DLAT: variants seen among roughly 807,000 people sequenced by gnomAD.
DLAT encodes the protein dihydrolipoyllysine-residue acetyltransferase component of pyruvate dehydrogenase complex, mitochondrial.
DLAT carries 43 observed loss-of-function variants against 68.0 expected under a neutral mutation model. The ratio of observed to expected loss-of-function variants is 0.63; its 90% CI spans 0.50 to 0.81. The LOEUF is 0.81. DLAT is among the 40% of genes least tolerant of loss of function. DLAT has a pLI of 0.00. For synonymous variants in DLAT, 265 were observed against 288.6 expected (o/e 0.92, Z 0.83); for missense variants, 745 against 815.4 (o/e 0.91, Z 1.05).
chr11:112,034,171 A>G (rs1359469556), intron 5 of DLAT, among the ~76,000 whole-genome samples: 1 of 152,216 alleles, frequency 6.6e-6, no homozygotes, highest in Non-Finnish European at 1.5e-5. Context: ...CTGAGAAGCT[A>G]TATCAGAATT....
chr11:112,034,583 C>T (rs1428573035), intron 5 of DLAT, among the ~76,000 whole-genome samples: 3 of 151,662 alleles, frequency 2.0e-5, no homozygotes, highest in East Asian at 3.9e-4. Flanking sequence ...GCTGGGACTA[C>T]AGGTGCCCGC....
intron 2 of DLAT, among the ~76,000 whole-genome samples, chr11:112,027,764 G>A (rs1368830027): frequency 1.3e-5 from 2 of 152,174 alleles, no homozygotes; most frequent in Non-Finnish European, 2.9e-5. Context: ...GTCAGGCGTG[G>A]CGGCGCGTGC....
chr11:112,064,198 T>A lies in DLAT; in HGVS notation c.*1663T>A. 6.4e-7 allele frequency: 1 copy of A among 1,571,906 alleles called. No homozygotes were observed. The highest frequency in any genetic ancestry group is 8.6e-7 in the Non-Finnish European group (1 of 1,159,066). On this transcript the variant is annotated 3_prime_UTR_variant, in exon 14 of 14. Coordinates refer to ENST00000280346, the MANE Select transcript of DLAT (RefSeq NM_001931.5). ...ACTTCAAAGATAATTCATCTTTCGC[T>A]AATGCTTGTGGTTCTGTTGTTCCCT...
At position 112,051,378 on chromosome 11, in the gene DLAT, CA is replaced by C; in HGVS notation, c.1514+30del. The stretch of plus-strand genomic sequence containing the variant: ...AGTATAACTGGGGAAGATATATATC[CA>C]TCGGTAGTTTTCTTGTATTATTTAA... On this transcript the variant is annotated intron_variant, in intron 11 of 13. Coordinates refer to ENST00000280346, the MANE Select transcript of DLAT (RefSeq NM_001931.5). This position sits in a 1 kb window ranked among gnomAD's most constrained non-coding sequence, Gnocchi z 4.3. 6.8e-7 allele frequency: 1 copy of C among 1,470,948 alleles called. No homozygotes were observed. The highest frequency in any genetic ancestry group is 1.4e-5 in the African/African-American group (1 of 72,182). 91.1% of individuals were successfully genotyped at this position (1,470,948 alleles called of 1,614,324 possible).
In DLAT at chr11:112,033,398, C is replaced by T. The variant is rs1036925432; in HGVS notation, c.661-6C>T. 4 of 1,613,104 alleles carry T rather than the reference C, an allele frequency of 2.5e-6. No homozygotes were observed. The highest frequency in any genetic ancestry group is 3.4e-6 in the Non-Finnish European group (4 of 1,179,450). ...ATTAAGCAATAATATGTGTTTGTTT[C>T]TGCAGGTACTTCTTCCTGCCCTCTC... is the stretch of plus-strand genomic sequence containing the variant. On this transcript the variant is annotated splice_polypyrimidine_tract_variant and splice_region_variant and intron_variant, in intron 4 of 13. Transcript: ENST00000280346.
chr11:112,026,856 G>A (rs1227684126), intron 2 of DLAT, among the ~76,000 whole-genome samples: 4 of 152,048 alleles, frequency 2.6e-5, no homozygotes, highest in Non-Finnish European at 4.4e-5. Context: ...GGTGGTGGCC[G>A]GGCAGAGGGG....
At chr11:112,041,511 A>G (rs1009864132) in intron 7 of DLAT, among the ~76,000 whole-genome samples, 2 of 152,204 alleles carry the variant, frequency 1.3e-5, no homozygotes, top group Non-Finnish European at 2.9e-5. Context: ...GAACTGGGGA[A>G]AGATCATTTT....
chr11:112,027,793 A>G (rs1862149712), intron 2 of DLAT, among the ~76,000 whole-genome samples: 1 of 152,020 alleles, frequency 6.6e-6, no homozygotes, highest in African/African-American at 2.4e-5. Context: ...GCAGGCACTC[A>G]GCAGGCTGAG....
rs1201600211 is a variant in DLAT, at chr11:112,028,569, G to T, written c.436G>T (p.Ala146Ser). 1.9e-6 allele frequency: 3 copies of T among 1,614,022 alleles called. No homozygotes were observed. The highest frequency in any genetic ancestry group is 1.6e-4 in the Middle Eastern group (1 of 6,084). Residue 146 changes from alanine to serine, a missense_variant, in exon 3 of 14, where the codon GCA (alanine) becomes TCA (serine). Transcript: ENST00000280346. Reference protein sequence around the residue: ...GFESLEECYMAKILVAEGTRD... With the variant: ...GFESLEECYMSKILVAEGTRD... ...TGAGAGCCTGGAGGAGTGTTATATG[G>T]CAAAGATACTTGTTGCTGAAGGTAC...
At chr11:112,029,119 C>G (rs1555179733) in intron 4 of DLAT, among the ~76,000 whole-genome samples, 174 bp downstream of exon 4, 1 of 152,148 alleles carries the variant, frequency 6.6e-6, no homozygotes, top group Non-Finnish European at 1.5e-5. Context: ...TTGTTATTTC[C>G]AGTTATAAGA....
chr11:112,034,006 G>A (rs1862558337), intron 5 of DLAT, among the ~76,000 whole-genome samples: 2 of 152,194 alleles, frequency 1.3e-5, no homozygotes, highest in South Asian at 4.1e-4. Context: ...CTCCAAGCGT[G>A]AGCCCCTGTT....
In DLAT at chr11:112,037,274, T is replaced by C. The variant is rs587661574; in HGVS notation, c.789T>C (p.Gly263=). The change falls in exon 6 of 14, where the codon GGT becomes GGC. Residue 263 remains glycine, a splice_region_variant and synonymous_variant. Transcript: ENST00000280346. ...AEIETDKATI[G]FEVQEEGYLA... ...TAATGTTTTTTCTTTCTATTTAAGG[T>C]TTTGAAGTACAGGAAGAAGGTTATC... is the stretch of plus-strand genomic sequence containing the variant. 1.2e-6 allele frequency: 2 copies of C among 1,613,920 alleles called. No individual in the cohort carries two copies. Among genetic ancestry groups the C allele is most frequent in the Admixed American group, 3.3e-5 (2 of 60,012 alleles).
At chr11:112,039,534 A>G (rs1862947256) in intron 7 of DLAT, 137 bp downstream of exon 7, 1 of 932,528 alleles carries the variant, frequency 1.1e-6, no homozygotes, top group Non-Finnish European at 1.7e-6. Context: ...ATTCCTTCAG[A>G]AGGGAGAAAT....
In DLAT at chr11:112,061,067, A is replaced by G; in HGVS notation, c.1707A>G (p.Gly569=). Residue 569 remains glycine, a synonymous_variant, in exon 13 of 14, where the codon GGA becomes GGG. Coordinates refer to ENST00000280346, the MANE Select transcript of DLAT (RefSeq NM_001931.5). Reference sequence around the variant, plus strand: ...GCACTTTTACGATCTCCAATTTAGGAATGTTTGGAATTAAGAATTTCTCTG... The same window carrying G: ...GCACTTTTACGATCTCCAATTTAGGGATGTTTGGAATTAAGAATTTCTCTG... The part of the protein sequence containing the change: ...QGGTFTISNL[G]MFGIKNFSAI... The G allele has an allele frequency of 6.2e-7, 1 of 1,610,278 alleles. No homozygotes were observed. The highest frequency in any genetic ancestry group is 8.5e-7 in the Non-Finnish European group (1 of 1,177,860).
rs782588739 is a variant in DLAT, at chr11:112,051,215, G to A, written c.1399-19G>A. On this transcript the variant is annotated intron_variant, in intron 10 of 13. Coordinates refer to ENST00000280346, the MANE Select transcript of DLAT (RefSeq NM_001931.5). This position sits in a 1 kb window ranked among gnomAD's most constrained non-coding sequence, Gnocchi z 4.3. ...TAAAATTAAAAAAGAAGAAACTACA[G>A]TTCTTCTTGTCTTTCCAGATATTAG... 8 of 1,484,404 alleles carry A rather than the reference G, an allele frequency of 5.4e-6. No individual in the cohort carries two copies. The East Asian group carries it at 1.8e-4, about 34-fold the overall frequency. The allele number at this position is 1,484,404 out of a possible 1,614,324, so 92.0% of individuals were successfully genotyped here.
In DLAT at chr11:112,062,441, G is replaced by T. The variant is rs1555183363; in HGVS notation, c.1850G>T (p.Ser617Ile). 6.2e-7 allele frequency: 1 copy of T among 1,612,602 alleles called. No individual in the cohort carries two copies. The change falls in exon 14 of 14, where the codon AGT (serine) becomes ATT (isoleucine). Residue 617 changes from serine (S) to isoleucine (I), a missense_variant. Transcript: ENST00000280346. ...GCTAGCATGATGTCTGTTACACTCA[G>T]TTGTGATCACCGGGTGGTGGATGGA... ...DVASMMSVTLSCDHRVVDGAV... is the reference protein window; with the variant it reads ...DVASMMSVTLICDHRVVDGAV...
At chr11:112,044,959 C>T (rs1171827677) in intron 8 of DLAT, among the ~76,000 whole-genome samples, 179 bp from the exon 9 acceptor site, 2 of 151,564 alleles carry the variant, frequency 1.3e-5, no homozygotes, top group East Asian at 3.9e-4. Flanking sequence ...TGCTTGAGCC[C>T]AGGAGGTTGA....
At chr11:112,029,846 C>T (rs587669384) in intron 4 of DLAT, 22 of 600,386 alleles carry the variant, frequency 3.7e-5, no homozygotes, top group African/African-American at 1.9e-4. Context: ...TACATCTCCC[C>T]GCACTTTGAG....
rs1592673528 is a variant in DLAT at position 112,034,990 on chromosome 11, G to A, written c.787+1460G>A. On this transcript the variant is annotated intron_variant, in intron 5 of 13. Coordinates refer to ENST00000280346, the MANE Select transcript of DLAT (RefSeq NM_001931.5). ...GAGTTTCACCATGTTGGCCAGGCTGGTCTCGAGCTCTTTAACCTCAGGTGA... is the reference window on the plus strand; with the variant it reads ...GAGTTTCACCATGTTGGCCAGGCTGATCTCGAGCTCTTTAACCTCAGGTGA... 4.0e-5 allele frequency among the ~76,000 whole-genome samples: 6 copies of A among 151,776 alleles called. No individual in the cohort carries two copies. The South Asian group carries it at 1.2e-3, about 32-fold the overall frequency.
Sources: gnomAD v4.1 joint callset for allele counts (sites outside exome capture counted in the v4.1 genomes callset) on GRCh38, gnomAD v4.1.1 for gene constraint, Gnocchi (gnomAD v3.1) non-coding constraint, MANE v1.5 for transcripts, NCBI Gene and HGNC (gene_info 2026-07-23, HGNC 2026-07-21) for gene names.